RELN: variants seen among roughly 807,000 people sequenced by gnomAD.
The protein encoded by RELN is reelin.
RELN carries 108 observed loss-of-function variants against 427.6 expected under a neutral mutation model. The observed-to-expected ratio is 0.25, with a 90% CI of 0.22 to 0.30. RELN has a LOEUF of 0.30. Among genes scored for constraint, RELN ranks in the 10% least tolerant of loss-of-function variants. RELN has a pLI of 1.00. For missense variants in RELN, 3,715 were observed against 4,302.8 expected (o/e 0.86, Z 3.82); for synonymous variants, 1,524 against 1,513.4 (o/e 1.01, Z -0.16).
At chr7:103,902,945 C>T (rs3857818) in intron 2 of RELN, among the ~76,000 whole-genome samples, 65,619 of 151,862 alleles carry the variant, frequency 0.43, 14,647 homozygotes, top group East Asian at 0.75. Flanking sequence ...AATAACATTA[C>T]ACAATTATTT....
chr7:103,760,051 C>T (rs1791260089), intron 4 of RELN, among the ~76,000 whole-genome samples: 2 of 107,540 alleles, frequency 1.9e-5, no homozygotes, highest in Admixed American at 2.4e-4. Flanking sequence ...ATTTGAATTA[C>T]TGCATTCAAT....
chr7:103,977,517 C>T (rs750698806), intron 1 of RELN, among the ~76,000 whole-genome samples: 5 of 151,930 alleles, frequency 3.3e-5, no homozygotes, highest in African/African-American at 1.2e-4. Context: ...ACAATAAGAA[C>T]GCAATTCCAC....
chr7:103,611,988 C>CT (rs869178176), intron 20 of RELN, among the ~76,000 whole-genome samples, 185 bp from the exon 21 acceptor site: 6 of 152,112 alleles, frequency 3.9e-5, no homozygotes, highest in Non-Finnish European at 8.8e-5. Context: ...AAAGATGAAA[C>CT]TTTTTTAAAA....
intron 6 of RELN, among the ~76,000 whole-genome samples, chr7:103,742,956 A>G (rs1790708001): frequency 6.6e-6 from 1 of 151,806 alleles, no homozygotes; most frequent in South Asian, 2.1e-4. Flanking sequence ...AAGACACATA[A>G]TTGTCAGATT....
chr7:103,886,490 G>T (rs1260643624), intron 2 of RELN, among the ~76,000 whole-genome samples: 1 of 152,088 alleles, frequency 6.6e-6, no homozygotes, highest in Non-Finnish European at 1.5e-5. Context: ...TTTCAATCAA[G>T]GGATTATCTT....
intron 3 of RELN, among the ~76,000 whole-genome samples, chr7:103,784,317 G>A (rs1030176368): frequency 6.6e-6 from 1 of 152,082 alleles, no homozygotes; most frequent in Non-Finnish European, 1.5e-5. Context: ...ATAACTTTAT[G>A]AGTAAAGTCA....
intron 2 of RELN, among the ~76,000 whole-genome samples, chr7:103,869,754 T>C (rs1794284198): frequency 6.6e-6 from 1 of 152,188 alleles, no homozygotes; most frequent in Non-Finnish European, 1.5e-5. Flanking sequence ...CTGCATAACA[T>C]TTGCTGAGCT....
intron 4 of RELN, among the ~76,000 whole-genome samples, chr7:103,764,834 C>CAA (rs545236187): frequency 0.038 from 1,984 of 52,348 alleles, 118 homozygotes; most frequent in African/African-American, 0.1. Context: ...AGACTCCTCT[C>CAA]AAAAAAAAAA....
At chr7:103,647,536 GAA>G (rs34084589) in intron 16 of RELN, among the ~76,000 whole-genome samples, 5,307 of 144,172 alleles carry the variant, frequency 0.037, 149 homozygotes, top group East Asian at 0.14. Flanking sequence ...AAACACTGAT[GAA>G]AAAAAAAAAA....
intron 36 of RELN, among the ~76,000 whole-genome samples, chr7:103,559,937 T>C (rs1830606154): frequency 6.6e-6 from 1 of 152,204 alleles, no homozygotes; most frequent in African/African-American, 2.4e-5. Context: ...ATAAAGTTGT[T>C]CCCATGGGTC....
At chr7:103,480,393 A>ATCAAATGAATGAAT (rs1828190535) in intron 63 of RELN, among the ~76,000 whole-genome samples, 1 of 152,206 alleles carries the variant, frequency 6.6e-6, no homozygotes, top group South Asian at 2.1e-4. Context: ...TTTTGCGCTC[A>ATCAAATGAATGAAT]TCAAATGAAT....
intron 2 of RELN, among the ~76,000 whole-genome samples, chr7:103,839,292 A>G (rs915983315): frequency 7.0e-6 from 1 of 142,442 alleles, no homozygotes; most frequent in Non-Finnish European, 1.5e-5. Flanking sequence ...ATGACTATAC[A>G]GTGGTCTTTG....
chr7:103,675,376 C>G (rs372662791), intron 11 of RELN, among the ~76,000 whole-genome samples: 2 of 151,958 alleles, frequency 1.3e-5, no homozygotes, highest in African/African-American at 4.8e-5. Context: ...CACTGCTCAA[C>G]AAAATAAAAG....
chr7:103,974,369 C>T (rs897710544), intron 1 of RELN, among the ~76,000 whole-genome samples: 4 of 152,164 alleles, frequency 2.6e-5, no homozygotes, highest in African/African-American at 7.2e-5. Context: ...TCAGCCAGTC[C>T]ATTTCCTGAG....
At chr7:103,840,990 G>T (rs1188071964) in intron 2 of RELN, among the ~76,000 whole-genome samples, 1 of 151,982 alleles carries the variant, frequency 6.6e-6, no homozygotes, top group African/African-American at 2.4e-5. Flanking sequence ...CATTGTTTTG[G>T]TTATATGTAA....
At chr7:103,779,495 C>A (rs1791831891) in intron 3 of RELN, among the ~76,000 whole-genome samples, 1 of 152,114 alleles carries the variant, frequency 6.6e-6, no homozygotes, top group African/African-American at 2.4e-5. Flanking sequence ...CTGTTAACAG[C>A]CCTACAAAGT....
At chr7:103,873,383 C>CA (rs1426518240) in intron 2 of RELN, among the ~76,000 whole-genome samples, 1 of 133,850 alleles carries the variant, frequency 7.5e-6, no homozygotes, top group Non-Finnish European at 1.6e-5. Context: ...AACAGAGACA[C>CA]AAAAAACCCT....
At chr7:103,734,698 G>C (rs1021094043) in intron 6 of RELN, among the ~76,000 whole-genome samples, 4 of 152,100 alleles carry the variant, frequency 2.6e-5, no homozygotes, top group African/African-American at 9.7e-5. Flanking sequence ...AACAGGACTA[G>C]AATTCAGGTT....
At chr7:103,860,469 G>C (rs189686557) in intron 2 of RELN, among the ~76,000 whole-genome samples, 40 of 152,262 alleles carry the variant, frequency 2.6e-4, no homozygotes, top group African/African-American at 8.2e-4. Flanking sequence ...TCTCTCAAGT[G>C]AGGAGGTAGT....
Sources: allele counts gnomAD v4.1 joint callset (sites outside exome capture counted in the v4.1 genomes callset), GRCh38; gene constraint gnomAD v4.1.1; transcripts MANE v1.5; gene names NCBI Gene and HGNC (gene_info 2026-07-23, HGNC 2026-07-21).